SPECC1: variants seen among roughly 807,000 people sequenced by gnomAD.
SPECC1 encodes cytospin-B.
A neutral mutation model predicts 104.1 loss-of-function variants in SPECC1; 62 were observed. The ratio of observed to expected loss-of-function variants is 0.60; its 90% CI spans 0.49 to 0.74. The LOEUF is 0.74. SPECC1 is among the 30% of genes least tolerant of loss of function. SPECC1 has a pLI of 0.00. For missense variants in SPECC1, 1,306 were observed against 1,310.5 expected (o/e 1.00, Z 0.05); for synonymous variants, 513 against 501.6 (o/e 1.02, Z -0.30).
intron 1 of SPECC1, among the ~76,000 whole-genome samples, chr17:20,033,815 A>T (rs1011357211): frequency 6.6e-6 from 1 of 152,110 alleles, no homozygotes; most frequent in Non-Finnish European, 1.5e-5. Context: ...GGGCCAAACA[A>T]ACCATATCCA....
intron 12 of SPECC1, among the ~76,000 whole-genome samples, chr17:20,289,053 G>T (rs1283687280): frequency 6.6e-6 from 1 of 151,984 alleles, no homozygotes; most frequent in Non-Finnish European, 1.5e-5. Context: ...AAAGTGCTGG[G>T]ATTATAGGCA....
chr17:20,247,934 G>A (rs988926231), intron 9 of SPECC1, among the ~76,000 whole-genome samples: 1 of 152,200 alleles, frequency 6.6e-6, no homozygotes, highest in African/African-American at 2.4e-5. Context: ...TCCAGGAAAG[G>A]TTCCCAGAGC....
At chr17:20,186,401 A>G (rs117119016) in intron 3 of SPECC1, among the ~76,000 whole-genome samples, 1,873 of 152,330 alleles carry the variant, frequency 0.012, 21 homozygotes, top group Non-Finnish European at 0.02. Context: ...TGTTGGAGAA[A>G]TGACACTGAT....
chr17:20,025,511 C>A (rs756387901), intron 1 of SPECC1, among the ~76,000 whole-genome samples: 1 of 152,092 alleles, frequency 6.6e-6, no homozygotes, highest in Non-Finnish European at 1.5e-5. Flanking sequence ...ATAAGGTTTC[C>A]GAGATTCATC....
intron 1 of SPECC1, among the ~76,000 whole-genome samples, chr17:20,032,177 C>T (rs2044841850): frequency 6.6e-6 from 1 of 151,968 alleles, no homozygotes; most frequent in Admixed American, 6.6e-5. Flanking sequence ...TATAAGTTTT[C>T]CTCTAGCTGC....
At chr17:20,272,982 G>C (rs1357813703) in intron 12 of SPECC1, among the ~76,000 whole-genome samples, 1 of 152,154 alleles carries the variant, frequency 6.6e-6, no homozygotes, top group Non-Finnish European at 1.5e-5. Context: ...CTCATGTTTA[G>C]GTGGAGGCTC....
chr17:20,103,987 G>A lies in SPECC1; in HGVS notation c.148-6440G>A, dbSNP rs138407299. On this transcript the variant is annotated intron_variant, in intron 2 of 14. Transcript: ENST00000395527. ...GGACCCATTGTTCACATTCTTTTCCGTGTGAAATGTTGCTGCATCCAGGCC... is the reference window on the plus strand; with the variant it reads ...GGACCCATTGTTCACATTCTTTTCCATGTGAAATGTTGCTGCATCCAGGCC... Among the ~76,000 whole-genome samples the A allele has an allele frequency of 1.0e-3, 157 of 152,320 alleles. 3 individuals are homozygous for A. In the East Asian group the frequency reaches 0.027, roughly 26 times the overall value.
chr17:20,217,595 C>T (rs2037582393), intron 4 of SPECC1, among the ~76,000 whole-genome samples: 1 of 152,168 alleles, frequency 6.6e-6, no homozygotes, highest in Admixed American at 6.5e-5. Context: ...GTGACAGGCC[C>T]TTAGCCTGAG....
intron 12 of SPECC1, among the ~76,000 whole-genome samples, chr17:20,267,709 A>G (rs2040264637): frequency 6.6e-6 from 1 of 152,204 alleles, no homozygotes. Context: ...TTCTAGCACT[A>G]AAGCATTAGT....
At chr17:20,261,215 A>G (rs910942822) in intron 12 of SPECC1, among the ~76,000 whole-genome samples, 39 of 152,132 alleles carry the variant, frequency 2.6e-4, no homozygotes, top group Non-Finnish European at 5.0e-4. Flanking sequence ...CTGTCTCAGA[A>G]GAAGACACAA....
intron 3 of SPECC1, among the ~76,000 whole-genome samples, chr17:20,188,378 CCT>C (rs2035425658): frequency 6.6e-6 from 1 of 151,936 alleles, no homozygotes; most frequent in Non-Finnish European, 1.5e-5. Flanking sequence ...CCTGTCTAAG[CCT>C]CCGGAGTGGC....
At chr17:20,220,471 G>A (rs1598012629) in intron 4 of SPECC1, among the ~76,000 whole-genome samples, 1 of 150,418 alleles carries the variant, frequency 6.6e-6, no homozygotes, top group South Asian at 2.1e-4. Flanking sequence ...TTTTCAGATT[G>A]TTCACTGTTG....
intron 5 of SPECC1, among the ~76,000 whole-genome samples, 159 bp downstream of exon 5, chr17:20,227,779 G>A (rs1031965432): frequency 6.6e-6 from 1 of 152,194 alleles, no homozygotes; most frequent in Admixed American, 6.5e-5. Context: ...GCCGGGCGTG[G>A]TGGTGGGCGC....
At chr17:20,060,411 C>G (rs2046141151) in intron 1 of SPECC1, among the ~76,000 whole-genome samples, 2 of 152,090 alleles carry the variant, frequency 1.3e-5, no homozygotes, top group Non-Finnish European at 2.9e-5. Flanking sequence ...CTTTGGGAAG[C>G]TGAGGCAGGA....
At position 20,316,280 on chromosome 17, in the gene SPECC1, T is replaced by C. The variant is rs2042039382; in HGVS notation, c.*2215T>C. 1 of 231,702 alleles carries C rather than the reference T, an allele frequency of 4.3e-6. No individual in the cohort carries two copies. Among genetic ancestry groups the C allele is most frequent in the Non-Finnish European group, 8.5e-6 (1 of 117,094 alleles). The allele number at this position is 231,702 out of a possible 1,614,324, so 14.4% of individuals were successfully genotyped here. A position where few individuals can be genotyped will look rare whatever the true frequency, so the allele number is the denominator to read the frequency against. On this transcript the variant is annotated 3_prime_UTR_variant, in exon 15 of 15. Coordinates refer to ENST00000395527, the MANE Select transcript of SPECC1 (RefSeq NM_001243439.2). ...GTTGTTAGATTTAAGCTGGAATTAG[T>C]CCAGGGTTTTATGTGGGGAGGCAGT... is the stretch of plus-strand genomic sequence containing the variant.
chr17:20,295,505 C>G (rs952140006), intron 12 of SPECC1, among the ~76,000 whole-genome samples: 1 of 152,046 alleles, frequency 6.6e-6, no homozygotes, highest in Admixed American at 6.6e-5. Context: ...TTTATAGCAG[C>G]GTGATTTATA....
intron 7 of SPECC1, chr17:20,236,740 T>TGTG: frequency 1.5e-6 from 2 of 1,325,742 alleles, no homozygotes; most frequent in Admixed American, 3.5e-5. Flanking sequence ...TGGCCTATCC[T>TGTG]GGACATTAGC....
chr17:20,232,982 GCA>G (rs1390058883), intron 7 of SPECC1, among the ~76,000 whole-genome samples: 1 of 152,204 alleles, frequency 6.6e-6, no homozygotes, highest in African/African-American at 2.4e-5. Flanking sequence ...ATGGGGAGAA[GCA>G]CACAGTGTAT....
At chr17:20,238,907 T>C in intron 7 of SPECC1, 1 of 1,042,638 alleles carries the variant, frequency 9.6e-7, no homozygotes, top group Non-Finnish European at 1.2e-6. Context: ...TGCTGCTTAG[T>C]TTTAATCACC....
Sources: gnomAD v4.1 joint callset for allele counts (sites outside exome capture counted in the v4.1 genomes callset) on GRCh38, gnomAD v4.1.1 for gene constraint, MANE v1.5 for transcripts, NCBI Gene and HGNC (gene_info 2026-07-23, HGNC 2026-07-21) for gene names.